Variants in SP3 observed in about 807,000 individuals in gnomAD.
The protein encoded by SP3 is Sp3 transcription factor, also known as transcription factor Sp3.
SP3 carries 10 observed loss-of-function variants against 70.3 expected under a neutral mutation model. The observed-to-expected ratio is 0.14, with a 90% CI of 0.09 to 0.24. The LOEUF (loss-of-function observed/expected upper bound fraction) is 0.24. Ranked by LOEUF, SP3 falls within the 10% of genes least tolerant of loss-of-function variation. The probability of loss-of-function intolerance (pLI) is 1.00; values close to 1 mark genes in which losing one functional copy is unlikely to be tolerated. For missense variants in SP3, 825 were observed against 914.6 expected (o/e 0.90, Z 1.26); for synonymous variants, 402 against 333.5 (o/e 1.21, Z -2.24).
intron 5 of SP3, chr2:173,915,865 T>C (rs1469997249): frequency 6.6e-6 from 1 of 152,098 alleles, no homozygotes; most frequent in Admixed American, 6.6e-5. Context: ...ATATTTTATA[T>C]TTTACACCTT....
chr2:173,917,198 G>A (rs560039213), intron 5 of SP3, among the ~76,000 whole-genome samples: 91 of 152,172 alleles, frequency 6.0e-4, no homozygotes, highest in African/African-American at 2.1e-3. Flanking sequence ...CCAGGCCTCC[G>A]TTAGATTTGA....
chr2:173,943,961 A>G (rs918030665), intron 4 of SP3, among the ~76,000 whole-genome samples: 2 of 152,222 alleles, frequency 1.3e-5, no homozygotes, highest in Non-Finnish European at 2.9e-5. Flanking sequence ...TACTCTACTG[A>G]GTACTATAGG....
chr2:173,959,453 C>T (rs1399001391), intron 3 of SP3, among the ~76,000 whole-genome samples: 1 of 152,046 alleles, frequency 6.6e-6, no homozygotes, highest in East Asian at 1.9e-4. Context: ...GTGACAGGGC[C>T]GGTGGCTCAC....
chr2:173,922,753 T>C (rs560219169), intron 4 of SP3, among the ~76,000 whole-genome samples: 2 of 152,244 alleles, frequency 1.3e-5, no homozygotes, highest in African/African-American at 2.4e-5. Flanking sequence ...TCCTTGGATA[T>C]AACATTGTGG....
intron 4 of SP3, among the ~76,000 whole-genome samples, chr2:173,941,002 C>T (rs1690355916): frequency 6.6e-6 from 1 of 151,980 alleles, no homozygotes; most frequent in Non-Finnish European, 1.5e-5. Context: ...AAACATCCCT[C>T]TCTCATCCTC....
At chr2:173,961,148 G>C (rs1691060389) in intron 3 of SP3, among the ~76,000 whole-genome samples, 1 of 152,126 alleles carries the variant, frequency 6.6e-6, no homozygotes, top group Admixed American at 6.5e-5. Flanking sequence ...CACAACTTAA[G>C]TACAAAGGAG....
intron 4 of SP3, among the ~76,000 whole-genome samples, chr2:173,938,423 T>C (rs1031436846): frequency 1.3e-4 from 18 of 138,242 alleles, no homozygotes; most frequent in Non-Finnish European, 2.3e-4. Flanking sequence ...AGTGCCATTG[T>C]GCTCCCGTCT....
In SP3 at chr2:173,905,386, CATGG is replaced by C. The variant is rs1324999726; in HGVS notation, c.*4551_*4554del. The stretch of plus-strand genomic sequence containing the variant: ...CAGGGAGTACTATTGTTAGCCTCTT[CATGG>C]ATGATGAAAATGAGGTTTTAAGGTA... On this transcript the variant is annotated 3_prime_UTR_variant, in exon 7 of 7. Transcript: ENST00000310015. Among the ~76,000 whole-genome samples the C allele has an allele frequency of 1.3e-5, 2 of 152,066 alleles. No individual in the cohort carries two copies. Among genetic ancestry groups the C allele is most frequent in the African/African-American group, 4.8e-5 (2 of 41,378 alleles).
chr2:173,923,367 C>G (rs560098558), intron 4 of SP3, among the ~76,000 whole-genome samples: 70 of 152,152 alleles, frequency 4.6e-4, no homozygotes, highest in African/African-American at 1.6e-3. Context: ...GAAATATACA[C>G]ACACACCCAC....
intron 3 of SP3, among the ~76,000 whole-genome samples, chr2:173,962,513 C>G (rs1306247001): frequency 6.6e-6 from 1 of 152,080 alleles, no homozygotes; most frequent in Admixed American, 6.5e-5. Flanking sequence ...AATAACAAAG[C>G]CTAATATAAT....
At chr2:173,917,471 ATGTCTCACTTCT>A (rs1189439778) in intron 5 of SP3, among the ~76,000 whole-genome samples, 1 of 152,024 alleles carries the variant, frequency 6.6e-6, no homozygotes, top group Non-Finnish European at 1.5e-5. Flanking sequence ...CAACCTCTCT[ATGTCTCACTTCT>A]AACACCACTG....
At chr2:173,957,165 T>C (rs1690922380) in intron 3 of SP3, among the ~76,000 whole-genome samples, 1 of 152,164 alleles carries the variant, frequency 6.6e-6, no homozygotes, top group Admixed American at 6.5e-5. Context: ...AGTTGAGAAA[T>C]ATATACAGTT....
At chr2:173,916,297 G>A (rs1330556924) in intron 5 of SP3, 1 of 152,000 alleles carries the variant, frequency 6.6e-6, no homozygotes, top group Non-Finnish European at 1.5e-5. Context: ...CGGAAAACTT[G>A]TAATAGCATG....
intron 4 of SP3, among the ~76,000 whole-genome samples, chr2:173,948,612 A>G (rs773809079): frequency 1.3e-5 from 2 of 152,212 alleles, no homozygotes; most frequent in African/African-American, 4.8e-5. Context: ...AATTATGACA[A>G]TATTTTAAAA....
At chr2:173,944,221 A>G (rs1690465353) in intron 4 of SP3, among the ~76,000 whole-genome samples, 1 of 152,232 alleles carries the variant, frequency 6.6e-6, no homozygotes, top group African/African-American at 2.4e-5. Flanking sequence ...ACAACGTCAC[A>G]TGTTAAGTAC....
Position 173,963,834 on chromosome 2 carries a change from A to G in SP3, c.206T>C (p.Ile69Thr). 2 of 1,493,602 alleles carry G rather than the reference A, an allele frequency of 1.3e-6. No individual in the cohort carries two copies. Among genetic ancestry groups the G allele is most frequent in the Non-Finnish European group, 1.8e-6 (2 of 1,116,262 alleles). The allele number at this position is 1,493,602 out of a possible 1,614,324, so 92.5% of individuals were successfully genotyped here. A position where few individuals can be genotyped will look rare whatever the true frequency, so the allele number is the denominator to read the frequency against. ...GTCGTCGCCCGGCGATGGCGGCCCT[A>G]TCTTGCTGCAGGTAGCGGCCAGCAG... ...LALLAATCSK[I>T]GPPSPGDDEE... Residue 69 changes from isoleucine to threonine, a missense_variant, in exon 3 of 7, where the codon ATA becomes ACA. Physicochemically the swap from Ile to Thr is moderately conservative, Grantham distance 89. Around this residue, in one of 4 missense-constraint regions of SP3, gnomAD observed 678 missense variants for 651.6 expected, o/e 1.04. Coordinates refer to ENST00000310015, the MANE Select transcript of SP3 (RefSeq NM_003111.5).
In SP3 at chr2:173,909,893, T is replaced by C. The variant is rs763696767; in HGVS notation, c.*48A>G. Reference sequence around the variant, plus strand: ...TAAGAACTTAGGAACAATATTCTTCTCACTACTGTATAAAAATAACCACAA... The same window carrying C: ...TAAGAACTTAGGAACAATATTCTTCCCACTACTGTATAAAAATAACCACAA... On this transcript the variant is annotated 3_prime_UTR_variant, in exon 7 of 7. Coordinates refer to ENST00000310015, the MANE Select transcript of SP3 (RefSeq NM_003111.5). 1.3e-6 allele frequency: 2 copies of C among 1,565,480 alleles called. No individual in the cohort carries two copies. The highest frequency in any genetic ancestry group is 1.7e-5 in the Admixed American group (1 of 57,228).
chr2:173,937,449 TC>T lies in SP3; in HGVS notation c.1639+17423del, dbSNP rs1690239839. Among the ~76,000 whole-genome samples, 3 of 152,114 alleles carry T rather than the reference TC, an allele frequency of 2.0e-5. No homozygotes were observed. The South Asian group carries it at 6.2e-4, about 32-fold the overall frequency. On this transcript the variant is annotated intron_variant, in intron 4 of 6. Transcript: ENST00000310015. Reference sequence around the variant, plus strand: ...CATAAAATCCTCTTCCACTTGTGAATCAAGTAAGTATACAAACCCTGCCCAA... The same window carrying T: ...CATAAAATCCTCTTCCACTTGTGAATAAGTAAGTATACAAACCCTGCCCAA...
chr2:173,955,452 T>C lies in SP3; in HGVS notation c.1060A>G (p.Asn354Asp). 1 of 1,614,082 alleles carries C rather than the reference T, an allele frequency of 6.2e-7. No homozygotes were observed. Among genetic ancestry groups the C allele is most frequent in the Non-Finnish European group, 8.5e-7 (1 of 1,180,010 alleles). Residue 354 changes from asparagine (N) to aspartate (D), a missense_variant, in exon 4 of 7, where the codon AAT (asparagine) becomes GAT (aspartate). Asn to Asp is a conservative substitution (Grantham distance 23). This residue lies in a region of SP3 where 678 missense variants were observed against 651.6 expected (regional missense o/e 1.04). Coordinates refer to ENST00000310015, the MANE Select transcript of SP3 (RefSeq NM_003111.5). Reference sequence around the variant, plus strand: ...TGCCCACTAGATGTAGTCAAGCTATTTGTGTTTTGTTGTAATATACCTGTA... The same window carrying C: ...TGCCCACTAGATGTAGTCAAGCTATCTGTGTTTTGTTGTAATATACCTGTA... ...DSTGILQQNT[N>D]SLTTSSGQVH...
Sources: gnomAD v4.1 joint callset for allele counts (sites outside exome capture counted in the v4.1 genomes callset) on GRCh38, gnomAD v4.1.1 for gene constraint, gnomAD v4.1.1 regional missense constraint, MANE v1.5 for transcripts, NCBI Gene and HGNC (gene_info 2026-07-23, HGNC 2026-07-21) for gene names.